Variants in CD40 observed in about 807,000 individuals in gnomAD.
The protein encoded by CD40 is tumor necrosis factor receptor superfamily member 5.
In CD40, 19 loss-of-function variants were observed where a neutral mutation model predicts 38.5. That is an observed-to-expected ratio of 0.49 (90% confidence interval 0.34 to 0.72). The LOEUF is 0.72. CD40 is among the 30% of genes least tolerant of loss of function. The probability of loss-of-function intolerance (pLI) is 0.01; values close to 1 mark genes in which losing one functional copy is unlikely to be tolerated. For synonymous variants in CD40, 130 were observed against 128.7 expected (o/e 1.01, Z -0.07); for missense variants, 256 against 344.1 (o/e 0.74, Z 2.03).
At chr20:46,120,192 A>C (rs983123122) in intron 1 of CD40, among the ~76,000 whole-genome samples, 1 of 152,230 alleles carries the variant, frequency 6.6e-6, no homozygotes, top group African/African-American at 2.4e-5. Context: ...TCATGCAAGC[A>C]GAAACAAATG....
At chr20:46,118,543 G>A in intron 1 of CD40, 149 bp downstream of exon 1, 1 of 785,182 alleles carries the variant, frequency 1.3e-6, no homozygotes, top group Admixed American at 2.0e-5. Context: ...CCCGCTCCTG[G>A]CTGAATGGGG....
chr20:46,118,496 G>C (rs571100579), intron 1 of CD40, 102 bp downstream of exon 1: 14 of 928,154 alleles, frequency 1.5e-5, no homozygotes, highest in Admixed American at 7.4e-5. Flanking sequence ...TGATTTTTGT[G>C]GGGGCAGGAG....
chr20:46,125,840 G>C (rs558959579), intron 5 of CD40, among the ~76,000 whole-genome samples: 2 of 152,304 alleles, frequency 1.3e-5, no homozygotes, highest in Non-Finnish European at 2.9e-5. Flanking sequence ...GCTGAATCCA[G>C]TTGAAAACTT....
intron 5 of CD40, 108 bp downstream of exon 5, chr20:46,123,327 C>A: frequency 1.1e-6 from 1 of 894,086 alleles, no homozygotes; most frequent in South Asian, 1.3e-5. Context: ...CACACACACT[C>A]ATGTACTTGT....
chr20:46,118,471 A>G (rs1189340738), intron 1 of CD40, 77 bp downstream of exon 1: 7 of 984,242 alleles, frequency 7.1e-6, no homozygotes, highest in Admixed American at 5.7e-5. Flanking sequence ...ACTTCGGGGA[A>G]GAGGCCTTCC....
chr20:46,122,339 G>C lies in CD40; in HGVS notation c.237G>C (p.Gln79His). 6.2e-7 allele frequency: 1 copy of C among 1,614,190 alleles called. No homozygotes were observed. The highest frequency in any genetic ancestry group is 8.5e-7 in the Non-Finnish European group (1 of 1,180,034). Residue 79 changes from glutamine (Q) to histidine (H), a missense_variant, in exon 3 of 9, where the codon CAG (glutamine) becomes CAC (histidine). Gln to His is a conservative substitution (Grantham distance 24). Transcript: ENST00000372285. This position sits in a 1 kb window ranked among gnomAD's most constrained non-coding sequence, Gnocchi z 5.0. ...DTWNRETHCHQHKYCDPNLGL... is the reference protein window; with the variant it reads ...DTWNRETHCHHHKYCDPNLGL... ...GGAACAGAGAGACACACTGCCACCA[G>C]CACAAATACTGCGACCCCAGTGCGT...
At chr20:46,126,884 T>C in intron 6 of CD40, 183 bp downstream of exon 6, 1 of 939,610 alleles carries the variant, frequency 1.1e-6, no homozygotes, top group Non-Finnish European at 1.6e-6. Flanking sequence ...TTAGCCTCAG[T>C]TTCTTCATCT....
Position 46,122,873 on chromosome 20 carries a change from C to A in CD40, c.403+117C>A. The stretch of plus-strand genomic sequence containing the variant: ...AGGCAGAGGAAGCAGAGGCTCCAAC[C>A]TATGTCGGTATCCCCACTGGAGTGA... On this transcript the variant is annotated intron_variant, in intron 4 of 8. Transcript: ENST00000372285. This position sits in a 1 kb window ranked among gnomAD's most constrained non-coding sequence, Gnocchi z 5.0. 2 of 1,326,394 alleles carry A rather than the reference C, an allele frequency of 1.5e-6. No homozygotes were observed. The highest frequency in any genetic ancestry group is 1.3e-5 in the South Asian group (1 of 75,762). The allele number at this position is 1,326,394 out of a possible 1,614,324, so 82.2% of individuals were successfully genotyped here. A position where few individuals can be genotyped will look rare whatever the true frequency, so the allele number is the denominator to read the frequency against.
At chr20:46,128,693 C>T in intron 8 of CD40, 189 bp from the exon 9 acceptor site, 1 of 681,582 alleles carries the variant, frequency 1.5e-6, no homozygotes, top group Non-Finnish European at 2.5e-6. Context: ...CACTGGCTCC[C>T]ACTCTGGAAG....
chr20:46,125,581 A>G (rs963461636), intron 5 of CD40, among the ~76,000 whole-genome samples: 32 of 149,380 alleles, frequency 2.1e-4, no homozygotes, highest in Non-Finnish European at 4.6e-4. Flanking sequence ...AGACTAAAGT[A>G]CATGGTTTCT....
chr20:46,122,161 T>A lies in CD40; in HGVS notation c.131-72T>A. The A allele has an allele frequency of 5.1e-6, 8 of 1,575,926 alleles. No homozygotes were observed. The highest frequency in any genetic ancestry group is 6.1e-6 in the Non-Finnish European group (7 of 1,145,584). On this transcript the variant is annotated intron_variant, in intron 2 of 8. Coordinates refer to ENST00000372285, the MANE Select transcript of CD40 (RefSeq NM_001250.6). The surrounding 1 kb of genome is among the most constrained non-coding windows in gnomAD (Gnocchi z 5.0). ...GAATCCCCTACCCTAAAGCCTGGCCTGATCATTGTGTGGTTAGTGTCTGAC... is the reference window on the plus strand; with the variant it reads ...GAATCCCCTACCCTAAAGCCTGGCCAGATCATTGTGTGGTTAGTGTCTGAC...
Position 46,122,774 on chromosome 20 carries a change from G to T in CD40, c.403+18G>T, listed in dbSNP as rs1283790866. The T allele has an allele frequency of 4.3e-6, 7 of 1,613,992 alleles. No homozygotes were observed. In the East Asian group the frequency reaches 1.6e-4, roughly 36 times the overall value. Reference sequence around the variant, plus strand: ...GCAGATTGGTAAGTGGCTCATCTGGGAATCAGTTTTGGAGGGGGACAGAGG... The same window carrying T: ...GCAGATTGGTAAGTGGCTCATCTGGTAATCAGTTTTGGAGGGGGACAGAGG... On this transcript the variant is annotated intron_variant, in intron 4 of 8. Coordinates refer to ENST00000372285, the MANE Select transcript of CD40 (RefSeq NM_001250.6). This position sits in a 1 kb window ranked among gnomAD's most constrained non-coding sequence, Gnocchi z 5.0.
chr20:46,123,027 G>C (rs2085350495), intron 4 of CD40, 99 bp from the exon 5 acceptor site: 1 of 1,011,996 alleles, frequency 9.9e-7, no homozygotes, highest in East Asian at 2.4e-5. Context: ...AGTGCTCAAG[G>C]CAGGAGCTCT....
In CD40 at chr20:46,121,806, A is replaced by G; in HGVS notation, c.52-14A>G. 1.2e-6 allele frequency: 2 copies of G among 1,606,106 alleles called. No individual in the cohort carries two copies. The highest frequency in any genetic ancestry group is 1.7e-6 in the Non-Finnish European group (2 of 1,172,668). ...ATTTCAAGATCCCTTCAAATTGCAC[A>G]ATTCTGTTTTTAGGTCCATCCAGAA... is the stretch of plus-strand genomic sequence containing the variant. On this transcript the variant is annotated splice_polypyrimidine_tract_variant and intron_variant, in intron 1 of 8. Coordinates refer to ENST00000372285, the MANE Select transcript of CD40 (RefSeq NM_001250.6).
At chr20:46,124,957 C>A (rs967529592) in intron 5 of CD40, among the ~76,000 whole-genome samples, 2 of 151,280 alleles carry the variant, frequency 1.3e-5, no homozygotes, top group African/African-American at 4.9e-5. Context: ...TTAGTAGAGA[C>A]GGCGTTTCAC....
chr20:46,119,605 CTGTG>C (rs2085278961), intron 1 of CD40, among the ~76,000 whole-genome samples: 1 of 152,160 alleles, frequency 6.6e-6, no homozygotes, highest in Non-Finnish European at 1.5e-5. Context: ...AGAGGCTGGG[CTGTG>C]ACAACAATGT....
rs1261429888 is a variant in CD40 at position 46,122,290 on chromosome 20, G to T, written c.188G>T (p.Gly63Val). Residue 63 changes from glycine (G) to valine (V), a missense_variant, in exon 3 of 9, where the codon GGT becomes GTT. By Grantham distance (109) the Gly-to-Val change is moderately radical. Transcript: ENST00000372285. This position sits in a 1 kb window ranked among gnomAD's most constrained non-coding sequence, Gnocchi z 5.0. Reference sequence around the variant, plus strand: ...ACTGAAACGGAATGCCTTCCTTGCGGTGAAAGCGAATTCCTAGACACCTGG... The same window carrying T: ...ACTGAAACGGAATGCCTTCCTTGCGTTGAAAGCGAATTCCTAGACACCTGG... Reference protein sequence around the residue: ...EFTETECLPCGESEFLDTWNR... With the variant: ...EFTETECLPCVESEFLDTWNR... The T allele has an allele frequency of 6.2e-7, 1 of 1,614,092 alleles. No homozygotes were observed. Among genetic ancestry groups the T allele is most frequent in the African/African-American group, 1.3e-5 (1 of 74,922 alleles).
intron 5 of CD40, among the ~76,000 whole-genome samples, chr20:46,123,748 T>TC (rs775006268): frequency 6.6e-6 from 1 of 151,650 alleles, no homozygotes; most frequent in African/African-American, 2.4e-5. Flanking sequence ...CCTGCCTCTG[T>TC]CTCTCCCCTC....
At chr20:46,118,622 A>G (rs1437301189) in intron 1 of CD40, among the ~76,000 whole-genome samples, 1 of 152,100 alleles carries the variant, frequency 6.6e-6, no homozygotes, top group African/African-American at 2.4e-5. Flanking sequence ...CAGGGAAGGC[A>G]CTGGCTGCCC....
Sources: gnomAD v4.1 joint callset for allele counts (sites outside exome capture counted in the v4.1 genomes callset) on GRCh38, gnomAD v4.1.1 for gene constraint, Gnocchi (gnomAD v3.1) non-coding constraint, MANE v1.5 for transcripts, NCBI Gene and HGNC (gene_info 2026-07-23, HGNC 2026-07-21) for gene names.